AFF1: variants seen among roughly 807,000 people sequenced by gnomAD.
The protein encoded by AFF1 is AF4/FMR2 family member 1.
AFF1 carries 48 observed loss-of-function variants against 121.7 expected under a neutral mutation model. The ratio of observed to expected loss-of-function variants is 0.39; its 90% CI spans 0.31 to 0.50. AFF1 has a LOEUF of 0.50. Among genes scored for constraint, AFF1 ranks in the 20% least tolerant of loss-of-function variants. The pLI, the probability that AFF1 is intolerant of heterozygous loss-of-function variation, is 0.76. For missense variants in AFF1, 1,523 were observed against 1,511.7 expected, an observed-to-expected ratio of 1.01 and a Z score of -0.12; for synonymous variants, 613 against 563.0, an observed-to-expected ratio of 1.09 and a Z score of -1.26.
intron 2 of AFF1, among the ~76,000 whole-genome samples, chr4:86,963,971 T>TTTG (rs917308350): frequency 1.3e-5 from 2 of 149,642 alleles, no homozygotes; most frequent in African/African-American, 4.9e-5. Flanking sequence ...TGGTTTTTTT[T>TTTG]TTTTTTTTTT....
At position 86,976,064 on chromosome 4, in the gene AFF1, G is replaced by A. The variant is rs562561375; in HGVS notation, c.38+27493G>A. Among the ~76,000 whole-genome samples the A allele has an allele frequency of 3.9e-5, 6 of 152,300 alleles. No homozygotes were observed. In the South Asian group the frequency reaches 1.2e-3, roughly 32 times the overall value. ...AATGTAAATGAATGGTTATAATACA[G>A]TGTGTTAAGTTCAATGATGGAGGGA... On this transcript the variant is annotated intron_variant, in intron 2 of 20. Transcript: ENST00000395146.
chr4:87,079,709 C>G (rs962187769), intron 4 of AFF1, among the ~76,000 whole-genome samples: 1 of 152,140 alleles, frequency 6.6e-6, no homozygotes, highest in African/African-American at 2.4e-5. Flanking sequence ...GATTCAGTCT[C>G]CTCGTTTTAT....
chr4:87,131,737 T>C, intron 17 of AFF1, 56 bp from the exon 18 acceptor site: 1 of 1,355,466 alleles, frequency 7.4e-7, no homozygotes, highest in South Asian at 1.3e-5. Flanking sequence ...GCATAGTAAG[T>C]TGTATTTGTG....
At position 87,079,245 on chromosome 4, in the gene AFF1, A is replaced by G. The variant is rs1427898606; in HGVS notation, c.1060-4875A>G. Among the ~76,000 whole-genome samples the G allele has an allele frequency of 2.0e-5, 3 of 152,180 alleles. No homozygotes were observed. In the East Asian group the frequency reaches 5.8e-4, roughly 29 times the overall value. The stretch of plus-strand genomic sequence containing the variant: ...GAGACTTAAAACACAATATTGCAAG[A>G]GCCTCCCAGTCTCAGTGGCATGTTT... On this transcript the variant is annotated intron_variant, in intron 4 of 20. Coordinates refer to ENST00000395146, the MANE Select transcript of AFF1 (RefSeq NM_001166693.3).
Position 87,060,835 on chromosome 4 carries a change from C to CAAAAAAAAAAAAAAA in AFF1, c.1059+13259_1059+13273dup, listed in dbSNP as rs749186199. On this transcript the variant is annotated intron_variant, in intron 4 of 20. Transcript: ENST00000395146. ...GCCTGGCGAGAGTGAGACTCTGTCTCAAAAAAAAAAAAAAAAAAAAAAAAA... is the reference window on the plus strand; with the variant it reads ...GCCTGGCGAGAGTGAGACTCTGTCTCAAAAAAAAAAAAAAAAAAAAAAAAAAAAAAAAAAAAAAAA... Among the ~76,000 whole-genome samples, 32 of 62,216 alleles carry CAAAAAAAAAAAAAAA rather than the reference C, an allele frequency of 5.1e-4. 1 individual carries two copies. Among genetic ancestry groups the CAAAAAAAAAAAAAAA allele is most frequent in the Non-Finnish European group, 8.3e-4 (26 of 31,278 alleles). 40.8% of individuals were successfully genotyped at this position (62,216 alleles called of 152,430 possible).
At chr4:87,009,190 A>G (rs1045204930) in intron 2 of AFF1, among the ~76,000 whole-genome samples, 1 of 152,252 alleles carries the variant, frequency 6.6e-6, no homozygotes, top group African/African-American at 2.4e-5. Flanking sequence ...CTTCTCAGGC[A>G]CCTAAATGGG....
At chr4:86,942,718 A>G (rs1292941429) in intron 1 of AFF1, among the ~76,000 whole-genome samples, 1 of 152,240 alleles carries the variant, frequency 6.6e-6, no homozygotes, top group African/African-American at 2.4e-5. Flanking sequence ...TATGTCAGGC[A>G]AAGCCACACC....
chr4:86,991,508 T>G (rs1032238027), intron 2 of AFF1, among the ~76,000 whole-genome samples: 1 of 152,146 alleles, frequency 6.6e-6, no homozygotes, highest in Non-Finnish European at 1.5e-5. Context: ...TATATTTGTT[T>G]ACAAAAGAGA....
chr4:87,078,780 T>C (rs758978046), intron 4 of AFF1, among the ~76,000 whole-genome samples: 31 of 152,166 alleles, frequency 2.0e-4, no homozygotes, highest in Non-Finnish European at 4.0e-4. Flanking sequence ...CTTGGACATT[T>C]ATTTTACTCT....
intron 4 of AFF1, among the ~76,000 whole-genome samples, chr4:87,063,109 G>C (rs893480565): frequency 6.6e-5 from 10 of 150,978 alleles, no homozygotes; most frequent in African/African-American, 2.4e-4. Flanking sequence ...GAAAATGTAT[G>C]TTAAACCTTT....
intron 2 of AFF1, among the ~76,000 whole-genome samples, chr4:87,042,189 A>AT (rs1008288915): frequency 3.9e-5 from 6 of 152,188 alleles, no homozygotes; most frequent in African/African-American, 1.2e-4. Context: ...TAGTGGGTTT[A>AT]TTTTTAAAAT....
At chr4:86,935,619 A>G (rs1336667790) in intron 1 of AFF1, 5 of 151,136 alleles carry the variant, frequency 3.3e-5, no homozygotes. Flanking sequence ...AATGAGTCCC[A>G]GAAGTTTCTC....
chr4:87,035,258 T>A (rs1200693075), intron 2 of AFF1, among the ~76,000 whole-genome samples: 1 of 152,080 alleles, frequency 6.6e-6, no homozygotes, highest in East Asian at 1.9e-4. Context: ...GCAGAAGTAC[T>A]GCTTGAAATA....
chr4:86,954,916 C>T (rs562588027), intron 2 of AFF1, among the ~76,000 whole-genome samples: 1 of 152,038 alleles, frequency 6.6e-6, no homozygotes, highest in South Asian at 2.1e-4. Context: ...TTCTTCTGTT[C>T]AATATATTTA....
intron 4 of AFF1, among the ~76,000 whole-genome samples, chr4:87,076,145 C>A (rs1722649680): frequency 6.6e-6 from 1 of 152,144 alleles, no homozygotes; most frequent in South Asian, 2.1e-4. Flanking sequence ...GCACTACCCC[C>A]TTCTTCTAGG....
intron 2 of AFF1, chr4:87,007,188 C>T: frequency 7.2e-7 from 1 of 1,384,728 alleles, no homozygotes; most frequent in Non-Finnish European, 9.3e-7. Context: ...GCCCCAGTGC[C>T]CGGATGTCCA....
chr4:87,006,237 C>T (rs1209004833), intron 2 of AFF1, among the ~76,000 whole-genome samples: 1 of 152,184 alleles, frequency 6.6e-6, no homozygotes, highest in Non-Finnish European at 1.5e-5. Flanking sequence ...TAAGAGTCTT[C>T]AGCTCCTCCG....
intron 2 of AFF1, among the ~76,000 whole-genome samples, chr4:86,995,919 C>T (rs1725130486): frequency 6.6e-6 from 1 of 151,284 alleles, no homozygotes; most frequent in African/African-American, 2.4e-5. Context: ...CACCTCTGCC[C>T]TGCCGCCCCG....
chr4:86,945,407 C>G (rs1720784568), intron 1 of AFF1, among the ~76,000 whole-genome samples: 1 of 149,606 alleles, frequency 6.7e-6, no homozygotes, highest in Non-Finnish European at 1.5e-5. Context: ...TCACTGTAGC[C>G]TCCACCTCCT....
Sources: allele counts gnomAD v4.1 joint callset (sites outside exome capture counted in the v4.1 genomes callset), GRCh38; gene constraint gnomAD v4.1.1; transcripts MANE v1.5; gene names NCBI Gene and HGNC (gene_info 2026-07-23, HGNC 2026-07-21).